The following NF1 variants were observed in gnomAD, a reference collection of about 807,000 sequenced individuals.
The protein encoded by NF1 is neurofibromin 1.
NF1 carries 122 observed loss-of-function variants against 325.7 expected under a neutral mutation model. That is an observed-to-expected ratio of 0.37 (90% confidence interval 0.32 to 0.44). The LOEUF (loss-of-function observed/expected upper bound fraction) is 0.44, where lower values mean the gene tolerates loss of function less well. Ranked by LOEUF, NF1 falls within the 20% of genes least tolerant of loss-of-function variation. The pLI is 1.00. For synonymous variants in NF1, 1,091 were observed against 1,186.0 expected (o/e 0.92, Z 1.65); for missense variants, 2,140 against 3,415.4 (o/e 0.63, Z 9.31).
At chr17:31,290,010 A>G (rs73988046) in intron 36 of NF1, among the ~76,000 whole-genome samples, 2,049 of 152,122 alleles carry the variant, frequency 0.013, 51 homozygotes, top group African/African-American at 0.046. Flanking sequence ...TATATTAATC[A>G]TAGTATTTTG....
chr17:31,221,778 C>T lies in NF1; in HGVS notation c.1642-72C>T, dbSNP rs183634967. The stretch of plus-strand genomic sequence containing the variant: ...TTTCTTAGCATTTATAAAATAAGTA[C>T]TCCAGTGTTATGTTTACCAAAAATG... On this transcript the variant is annotated intron_variant, in intron 14 of 57. Transcript: ENST00000358273. 1.3e-5 allele frequency: 13 copies of T among 987,678 alleles called. No homozygotes were observed. In the African/African-American group the frequency reaches 2.1e-4, roughly 16 times the overall value. 61.2% of individuals were successfully genotyped at this position (987,678 alleles called of 1,614,324 possible).
intron 14 of NF1, among the ~76,000 whole-genome samples, chr17:31,221,137 T>C (rs1174033371): frequency 2.0e-5 from 3 of 152,098 alleles, no homozygotes; most frequent in Non-Finnish European, 2.9e-5. Flanking sequence ...GATTGTAGAA[T>C]TGGAGTTGAG....
At chr17:31,277,121 A>T (rs2068024430) in intron 36 of NF1, among the ~76,000 whole-genome samples, 1 of 152,220 alleles carries the variant, frequency 6.6e-6, no homozygotes, top group African/African-American at 2.4e-5. Context: ...ATTATCACGA[A>T]GGTCTTCATC....
At position 31,243,172 on chromosome 17, in the gene NF1, C is replaced by T. The variant is rs539089853; in HGVS notation, c.3975-5812C>T. Among the ~76,000 whole-genome samples the T allele has an allele frequency of 3.2e-3, 268 of 84,180 alleles. 1 individual carries two copies. The highest frequency in any genetic ancestry group is 0.018 in the African/African-American group (252 of 14,320). The allele number at this position is 84,180 out of a possible 152,430, so 55.2% of individuals were successfully genotyped here. A position where few individuals can be genotyped will look rare whatever the true frequency, so the allele number is the denominator to read the frequency against. The stretch of plus-strand genomic sequence containing the variant: ...TTTCCTCTAAACAAACAGAGTCAGT[C>T]TCTCTCTCTGTCTGTGTGTGTGTGT... On this transcript the variant is annotated intron_variant, in intron 29 of 57. Transcript: ENST00000358273.
rs2151544670 is a variant in NF1, at chr17:31,330,392, C to T, written c.5706C>T (p.Ala1902=). The T allele has an allele frequency of 1.2e-6, 2 of 1,613,756 alleles. No individual in the cohort carries two copies. Among genetic ancestry groups the T allele is most frequent in the Non-Finnish European group, 1.7e-6 (2 of 1,179,724 alleles). The stretch of plus-strand genomic sequence containing the variant: ...AGACATCAGGTTTATGTATCCCTGC[C>T]AACAACACCCTCTTTATTGTCTCTA... ...LLETSGLCIP[A]NNTLFIVSIS... is the part of the protein sequence containing the mutation. Residue 1902 remains alanine (A), a synonymous_variant, in exon 39 of 58, where the codon GCC becomes GCT. Transcript: ENST00000358273.
chr17:31,330,944 G>T (rs2069470035), intron 39 of NF1: 1 of 158,104 alleles, frequency 6.3e-6, no homozygotes, highest in Non-Finnish European at 1.4e-5. Flanking sequence ...GAGCACAGTG[G>T]CACATAATAC....
At chr17:31,128,116 A>ATT (rs546185681) in intron 1 of NF1, among the ~76,000 whole-genome samples, 11 of 112,084 alleles carry the variant, frequency 9.8e-5, no homozygotes, top group Admixed American at 1.7e-4. Context: ...TGATTTTTGT[A>ATT]TTTTTTTTTT....
intron 29 of NF1, among the ~76,000 whole-genome samples, chr17:31,240,650 C>G (rs904326688): frequency 2.0e-5 from 3 of 152,070 alleles, no homozygotes; most frequent in African/African-American, 7.2e-5. Context: ...TTTGAGGAAC[C>G]TCCAAATGGT....
At chr17:31,226,358 CAG>C in intron 17 of NF1, 75 bp from the exon 18 acceptor site, 1 of 1,529,544 alleles carries the variant, frequency 6.5e-7, no homozygotes, top group Non-Finnish European at 8.9e-7. Flanking sequence ...CACACACACA[CAG>C]TTTATTGCAT....
intron 5 of NF1, among the ~76,000 whole-genome samples, chr17:31,174,670 A>G (rs1409673744): frequency 6.6e-6 from 1 of 152,194 alleles, no homozygotes; most frequent in Non-Finnish European, 1.5e-5. Context: ...CAATTCAATC[A>G]TTTATTAGAT....
chr17:31,229,696 G>A (rs926273676), intron 21 of NF1, 139 bp from the exon 22 acceptor site: 23 of 1,125,272 alleles, frequency 2.0e-5, no homozygotes, highest in Non-Finnish European at 2.8e-5. Context: ...GAGTGTCTGC[G>A]TATATCTGTA....
In NF1 at chr17:31,232,924, A is replaced by C. The variant is rs2066737; in HGVS notation, c.3496+43A>C. ...TTTCATATAGAAATACAAAACCTAG[A>C]GAACTGGCATGTAAGAGAAGCAAAA... On this transcript the variant is annotated intron_variant, in intron 26 of 57. Coordinates refer to ENST00000358273, the MANE Select transcript of NF1 (RefSeq NM_001042492.3). The C allele has an allele frequency of 1.6e-3, 2,569 of 1,613,720 alleles. 42 individuals carry two copies. In the African/African-American group the frequency reaches 0.03, roughly 19 times the overall value.
chr17:31,248,437 CTGAG>C lies in NF1; in HGVS notation c.3975-545_3975-542del, dbSNP rs372164837. Among the ~76,000 whole-genome samples the C allele has an allele frequency of 4.3e-4, 66 of 152,284 alleles. No homozygotes were observed. In the South Asian group the frequency reaches 6.8e-3, roughly 16 times the overall value. Reference sequence around the variant, plus strand: ...ACACACATACACGTGCATGTGCAGCCTGAGTATTTCCACACAAATTAAAGTTAAT... The same window carrying C: ...ACACACATACACGTGCATGTGCAGCCTATTTCCACACAAATTAAAGTTAAT... On this transcript the variant is annotated intron_variant, in intron 29 of 57. Transcript: ENST00000358273.
At chr17:31,326,558 A>G (rs1340303287) in intron 37 of NF1, among the ~76,000 whole-genome samples, 1 of 152,016 alleles carries the variant, frequency 6.6e-6, no homozygotes, top group Admixed American at 6.6e-5. Flanking sequence ...GAGGCAGGAG[A>G]ATCGCTTGAA....
At position 31,352,446 on chromosome 17, in the gene NF1, T is replaced by A. The variant is rs761211645; in HGVS notation, c.7615+32T>A. 4.6e-5 allele frequency: 68 copies of A among 1,489,418 alleles called. No homozygotes were observed. In the African/African-American group the frequency reaches 8.6e-4, roughly 19 times the overall value. 92.3% of individuals were successfully genotyped at this position (1,489,418 alleles called of 1,614,324 possible). The stretch of plus-strand genomic sequence containing the variant: ...TTATCTAAATTATGTAGATTTTTTT[T>A]ATTATTTAAAAAAATAGATATTTTT... On this transcript the variant is annotated intron_variant, in intron 51 of 57. Transcript: ENST00000358273.
At chr17:31,108,020 G>A (rs947799474) in intron 1 of NF1, among the ~76,000 whole-genome samples, 1 of 151,424 alleles carries the variant, frequency 6.6e-6, no homozygotes, top group Admixed American at 6.6e-5. Flanking sequence ...GTAGTCCCAG[G>A]TACTTGGGAG....
In NF1 at chr17:31,109,367, G is replaced by A. The variant is rs188594329; in HGVS notation, c.60+13998G>A. ...CTCAGCAATGCTTTTTTTCAGATTT[G>A]AAGATCATTTTCTTTTTTTTCTTTT... On this transcript the variant is annotated intron_variant, in intron 1 of 57. Transcript: ENST00000358273. 5.4e-4 allele frequency among the ~76,000 whole-genome samples: 82 copies of A among 151,770 alleles called. 1 individual carries two copies. The East Asian group carries it at 0.013, about 24-fold the overall frequency.
At chr17:31,166,766 A>G (rs1450248689) in intron 4 of NF1, among the ~76,000 whole-genome samples, 2 of 151,990 alleles carry the variant, frequency 1.3e-5, no homozygotes, top group East Asian at 1.9e-4. Context: ...CCAAGTTAGA[A>G]TCCTGAATTA....
At chr17:31,151,426 A>G (rs993613594) in intron 1 of NF1, among the ~76,000 whole-genome samples, 5 of 152,218 alleles carry the variant, frequency 3.3e-5, no homozygotes, top group African/African-American at 9.6e-5. Flanking sequence ...CATCTGAAGC[A>G]TATTCTCTAG....
Sources: gnomAD v4.1 joint callset for allele counts (sites outside exome capture counted in the v4.1 genomes callset) on GRCh38, gnomAD v4.1.1 for gene constraint, MANE v1.5 for transcripts, NCBI Gene and HGNC (gene_info 2026-07-23, HGNC 2026-07-21) for gene names.